The following IPO11 variants were observed in gnomAD, a reference collection of about 807,000 sequenced individuals.
IPO11 encodes the protein importin 11, also known as importin-11.
A neutral mutation model predicts 143.2 loss-of-function variants in IPO11; 66 were observed. The ratio of observed to expected loss-of-function variants is 0.46; its 90% CI spans 0.38 to 0.57. The LOEUF (loss-of-function observed/expected upper bound fraction) is 0.57, where lower values mean the gene tolerates loss of function less well. Among genes scored for constraint, IPO11 ranks in the 20% least tolerant of loss-of-function variants. The pLI is 0.00. For missense variants in IPO11, 1,026 were observed against 1,141.0 expected (o/e 0.90, Z 1.45); for synonymous variants, 385 against 377.8 (o/e 1.02, Z -0.22).
At chr5:62,578,998 G>A in intron 27 of IPO11, 1 of 236,220 alleles carries the variant, frequency 4.2e-6, no homozygotes, top group South Asian at 4.8e-5. Flanking sequence ...GTGAAAAACT[G>A]TAATTTAGAA....
intron 1 of IPO11, among the ~76,000 whole-genome samples, chr5:62,427,233 CCCTCCAGATGCA>C (rs1743788004): frequency 6.6e-6 from 1 of 151,920 alleles, no homozygotes; most frequent in Non-Finnish European, 1.5e-5. Flanking sequence ...AGCCACCGTG[CCCTCCAGATGCA>C]TTTCTAACAA....
At chr5:62,489,408 T>G in intron 14 of IPO11, 59 bp downstream of exon 14, 1 of 1,242,958 alleles carries the variant, frequency 8.0e-7, no homozygotes, top group Non-Finnish European at 1.1e-6. Context: ...GAGAGTCTGT[T>G]TTGTGGTAGA....
intron 24 of IPO11, among the ~76,000 whole-genome samples, chr5:62,542,062 C>A (rs192311857): frequency 1.5e-3 from 230 of 151,782 alleles, no homozygotes; most frequent in African/African-American, 4.7e-3. Context: ...TTTTTTATTT[C>A]TTTTTATTTT....
intron 19 of IPO11, among the ~76,000 whole-genome samples, chr5:62,514,235 G>A (rs1232136853): frequency 1.3e-5 from 2 of 152,114 alleles, no homozygotes; most frequent in Non-Finnish European, 1.5e-5. Flanking sequence ...GGGGGCCAAG[G>A]CAGGCGGCTG....
intron 29 of IPO11, among the ~76,000 whole-genome samples, chr5:62,625,980 C>G (rs1746552863): frequency 6.6e-6 from 1 of 152,170 alleles, no homozygotes; most frequent in African/African-American, 2.4e-5. Context: ...GTGCCCCTCA[C>G]CCAGTTTTTC....
At chr5:62,425,499 G>T (rs1423176137) in intron 1 of IPO11, among the ~76,000 whole-genome samples, 8 of 151,948 alleles carry the variant, frequency 5.3e-5, no homozygotes, top group African/African-American at 7.3e-5. Context: ...TGCATTTTTA[G>T]TAGAGACAGG....
intron 2 of IPO11, among the ~76,000 whole-genome samples, chr5:62,442,276 T>C (rs1249122343): frequency 1.3e-5 from 2 of 152,324 alleles, no homozygotes; most frequent in East Asian, 1.9e-4. Context: ...GTGGGCCTAC[T>C]TTTTCTAATT....
chr5:62,481,576 A>G (rs1024311818), intron 9 of IPO11, among the ~76,000 whole-genome samples: 2 of 152,150 alleles, frequency 1.3e-5, no homozygotes, highest in African/African-American at 4.8e-5. Context: ...TGATTTGCGT[A>G]TGTTGAACCA....
intron 29 of IPO11, among the ~76,000 whole-genome samples, chr5:62,607,468 G>C (rs946910996): frequency 6.6e-6 from 1 of 151,894 alleles, no homozygotes; most frequent in African/African-American, 2.4e-5. Context: ...AACCTCAGCA[G>C]AACTACTATA....
chr5:62,418,787 T>C, intron 1 of IPO11: 1 of 402,180 alleles, frequency 2.5e-6, no homozygotes, highest in Non-Finnish European at 4.5e-6. Flanking sequence ...TCACGTATTG[T>C]CTCCAAGTCT....
At chr5:62,419,890 A>G (rs1197260529) in intron 1 of IPO11, among the ~76,000 whole-genome samples, 1 of 152,082 alleles carries the variant, frequency 6.6e-6, no homozygotes, top group African/African-American at 2.4e-5. Context: ...AGTCTCAACT[A>G]TTCAGGAGGC....
intron 26 of IPO11, among the ~76,000 whole-genome samples, chr5:62,553,861 T>C (rs1224774221): frequency 2.0e-5 from 3 of 152,094 alleles, no homozygotes; most frequent in African/African-American, 7.2e-5. Context: ...CAAGTGAATC[T>C]CTCGCCTCAG....
chr5:62,442,133 C>T (rs761141673), intron 2 of IPO11, among the ~76,000 whole-genome samples: 4 of 152,086 alleles, frequency 2.6e-5, no homozygotes, highest in Admixed American at 6.6e-5. Context: ...CGTGAGCTAC[C>T]GCGCCCAGCT....
intron 23 of IPO11, 107 bp downstream of exon 23, chr5:62,536,888 T>TTAAA (rs1742753224): frequency 8.6e-7 from 1 of 1,158,162 alleles, no homozygotes; most frequent in East Asian, 3.0e-5. Context: ...GTCTGTTATT[T>TTAAA]TAAGACAGAG....
intron 27 of IPO11, among the ~76,000 whole-genome samples, chr5:62,563,255 T>C (rs74636445): frequency 0.027 from 4,171 of 152,288 alleles, 189 homozygotes; most frequent in African/African-American, 0.093. Flanking sequence ...TTAAAGAACA[T>C]GGTCCTTGGT....
rs1326041019 is a variant in IPO11 at position 62,579,374 on chromosome 5, T to G, written c.2583-12203T>G. ...ATTCATTTGATGAAGTTTTCGTGAT[T>G]TAAAGCTTTACCTTCTCTTTTTATA... On this transcript the variant is annotated intron_variant, in intron 27 of 29. Coordinates refer to ENST00000325324, the MANE Select transcript of IPO11 (RefSeq NM_016338.5). 5 of 1,460,346 alleles carry G rather than the reference T, an allele frequency of 3.4e-6. No individual in the cohort carries two copies. The Admixed American group carries it at 9.9e-5, about 29-fold the overall frequency. 90.5% of individuals were successfully genotyped at this position (1,460,346 alleles called of 1,614,324 possible). A position where few individuals can be genotyped will look rare whatever the true frequency, so the allele number is the denominator to read the frequency against.
At chr5:62,482,458 A>G (rs1201500145) in intron 9 of IPO11, among the ~76,000 whole-genome samples, 2 of 152,140 alleles carry the variant, frequency 1.3e-5, no homozygotes, top group Admixed American at 1.3e-4. Flanking sequence ...ACTGCTTTAA[A>G]TGTGTCCCAG....
chr5:62,613,566 G>A (rs1746011964), intron 29 of IPO11, among the ~76,000 whole-genome samples: 1 of 151,902 alleles, frequency 6.6e-6, no homozygotes, highest in African/African-American at 2.4e-5. Flanking sequence ...GCCTCCCAAA[G>A]TACTGGGATT....
At chr5:62,527,258 T>C (rs573531235) in intron 21 of IPO11, among the ~76,000 whole-genome samples, 2 of 152,358 alleles carry the variant, frequency 1.3e-5, no homozygotes, top group African/African-American at 4.8e-5. Flanking sequence ...TGGATTACTT[T>C]AGATCAGAGG....
Sources: gnomAD v4.1 joint callset for allele counts (sites outside exome capture counted in the v4.1 genomes callset) on GRCh38, gnomAD v4.1.1 for gene constraint, MANE v1.5 for transcripts, NCBI Gene and HGNC (gene_info 2026-07-23, HGNC 2026-07-21) for gene names.